RBFOX1: variants seen among roughly 807,000 people sequenced by gnomAD.
RBFOX1 encodes the protein RNA binding fox-1 homolog 1, also known as RNA binding protein fox-1 homolog 1.
Under a neutral mutation model 57.7 loss-of-function variants are expected in RBFOX1, and 8 were observed. The observed-to-expected ratio is 0.14, with a 90% CI of 0.08 to 0.25. RBFOX1 has a LOEUF of 0.25. Ranked by LOEUF, RBFOX1 falls within the 10% of genes least tolerant of loss-of-function variation. RBFOX1 has a pLI of 1.00. For missense variants in RBFOX1, 611 were observed against 548.5 expected, an observed-to-expected ratio of 1.11 and a Z score of -1.14; for synonymous variants, 326 against 222.4, an observed-to-expected ratio of 1.47 and a Z score of -4.15.
chr16:6,839,600 C>G (rs1206740478), intron 3 of RBFOX1, among the ~76,000 whole-genome samples: 1 of 152,134 alleles, frequency 6.6e-6, no homozygotes, highest in Non-Finnish European at 1.5e-5. Context: ...TTGAACTTGT[C>G]TTTCGGGGAC....
At chr16:7,359,957 C>G (rs1434943112) in intron 4 of RBFOX1, among the ~76,000 whole-genome samples, 1 of 147,172 alleles carries the variant, frequency 6.8e-6, no homozygotes, top group Non-Finnish European at 1.5e-5. Context: ...GCACTCCAGC[C>G]TGGGTGACAG....
chr16:7,472,881 T>A (rs2061823933), intron 4 of RBFOX1, among the ~76,000 whole-genome samples: 2 of 152,244 alleles, frequency 1.3e-5, no homozygotes, highest in South Asian at 4.1e-4. Flanking sequence ...CTCTTATGTA[T>A]GTATTGCTTT....
chr16:6,612,310 G>C (rs983726529), intron 2 of RBFOX1, among the ~76,000 whole-genome samples: 4 of 152,070 alleles, frequency 2.6e-5, no homozygotes, highest in Middle Eastern at 3.4e-3. Context: ...ACCAACTTTG[G>C]GATGATATTA....
intron 3 of RBFOX1, among the ~76,000 whole-genome samples, chr16:6,740,291 C>G (rs931648164): frequency 6.6e-6 from 1 of 152,068 alleles, no homozygotes; most frequent in African/African-American, 2.4e-5. Context: ...TGCAAAAAAC[C>G]TACATCTAAT....
Position 7,394,709 on chromosome 16 carries a change from C to G in RBFOX1, c.28-123438C>G, listed in dbSNP as rs150420816. Among the ~76,000 whole-genome samples the G allele has an allele frequency of 2.0e-3, 301 of 152,246 alleles. 2 individuals carry two copies. The highest frequency in any genetic ancestry group is 7.1e-3 in the African/African-American group (293 of 41,544). On this transcript the variant is annotated intron_variant, in intron 4 of 15. Transcript: ENST00000550418. ...GACCACGCCAGGGTTTCATGTGCCC[C>G]GGTTGAGGCATGAATAACAGCAGTT...
chr16:7,231,955 G>T (rs1388139570), intron 4 of RBFOX1, among the ~76,000 whole-genome samples: 1 of 152,156 alleles, frequency 6.6e-6, no homozygotes, highest in Non-Finnish European at 1.5e-5. Flanking sequence ...GGAATGGAAT[G>T]ATGACGTATT....
At chr16:7,252,310 T>C (rs879881240) in intron 4 of RBFOX1, among the ~76,000 whole-genome samples, 1 of 152,220 alleles carries the variant, frequency 6.6e-6, no homozygotes, top group Non-Finnish European at 1.5e-5. Context: ...AGTGGAAATA[T>C]AACTTATAAG....
At chr16:5,553,652 C>T (rs57670311) in intron 2 of RBFOX1, among the ~76,000 whole-genome samples, 5,354 of 134,930 alleles carry the variant, frequency 0.04, 315 homozygotes, top group African/African-American at 0.14. Context: ...TAAGCTAAAA[C>T]CATCAGATAG....
At chr16:7,478,620 T>C (rs1278505154) in intron 4 of RBFOX1, among the ~76,000 whole-genome samples, 1 of 152,168 alleles carries the variant, frequency 6.6e-6, no homozygotes, top group Non-Finnish European at 1.5e-5. Flanking sequence ...TGGTCACCAT[T>C]ATAAATGATT....
chr16:6,018,128 AC>A (rs1441085186), upstream of RBFOX1, among the ~76,000 whole-genome samples: 1 of 150,872 alleles, frequency 6.6e-6, no homozygotes, highest in African/African-American at 2.4e-5. Context: ...GTACAACAAA[AC>A]CCCCTGGAAT....
intron 3 of RBFOX1, among the ~76,000 whole-genome samples, chr16:6,742,803 G>T (rs996865682): frequency 6.6e-6 from 1 of 152,068 alleles, no homozygotes; most frequent in Non-Finnish European, 1.5e-5. Flanking sequence ...TAAAGATTTG[G>T]ACATAGTTGC....
intron 4 of RBFOX1, among the ~76,000 whole-genome samples, chr16:7,409,629 C>T (rs959667036): frequency 2.6e-5 from 4 of 152,202 alleles, no homozygotes; most frequent in Non-Finnish European, 5.9e-5. Flanking sequence ...TAATAAGGAG[C>T]CACATACCAT....
chr16:7,634,093 A>G (rs1490912334), intron 11 of RBFOX1, among the ~76,000 whole-genome samples: 1 of 152,132 alleles, frequency 6.6e-6, no homozygotes, highest in Non-Finnish European at 1.5e-5. Flanking sequence ...CACATATTTT[A>G]TCTTTGCTCT....
intron 2 of RBFOX1, among the ~76,000 whole-genome samples, chr16:6,602,729 AT>A (rs1047101269): frequency 6.6e-6 from 1 of 151,574 alleles, no homozygotes; most frequent in African/African-American, 2.4e-5. Context: ...TGGAAGTGCA[AT>A]TTTTTTTCCA....
At chr16:5,603,073 C>T (rs1396588172), downstream of RBFOX1, among the ~76,000 whole-genome samples, 3 of 152,174 alleles carry the variant, frequency 2.0e-5, no homozygotes, top group Non-Finnish European at 4.4e-5. Flanking sequence ...GGCATCTCAC[C>T]GCCCTTCCTA....
chr16:7,453,484 AG>A (rs1226509888), intron 4 of RBFOX1, among the ~76,000 whole-genome samples: 1 of 152,154 alleles, frequency 6.6e-6, no homozygotes, highest in African/African-American at 2.4e-5. Context: ...AAAGGTTTTA[AG>A]CATTGTAGCC....
At chr16:7,490,109 C>T (rs1182744909) in intron 4 of RBFOX1, among the ~76,000 whole-genome samples, 1 of 152,110 alleles carries the variant, frequency 6.6e-6, no homozygotes, top group Non-Finnish European at 1.5e-5. Context: ...TGCCATGTGG[C>T]TTCTGAATGG....
rs141048581 is a variant in RBFOX1, at chr16:6,488,082, A to C, written c.-63-166521A>C. On this transcript the variant is annotated intron_variant, in intron 2 of 15. Transcript: ENST00000550418. ...CCAATACAGAAAGCAACAACCAAAC[A>C]AATCAAGGTGCACTATTTGCCCAAT... 2.7e-3 allele frequency among the ~76,000 whole-genome samples: 416 copies of C among 152,252 alleles called. 3 individuals carry two copies. The highest frequency in any genetic ancestry group is 0.025 in the East Asian group (130 of 5,180).
rs59934126 is a variant in RBFOX1, at chr16:7,394,235, CAAAAAAAAAAAAAAA to C, written c.28-123897_28-123883del. ...TGGGCAACAGAGCAAGACTCCGCAT[CAAAAAAAAAAAAAAA>C]AAAAAAAAAAAAAAGAGAGAAAGAA... On this transcript the variant is annotated intron_variant, in intron 4 of 15. Coordinates refer to ENST00000550418, the MANE Select transcript of RBFOX1 (RefSeq NM_018723.4). 3.6e-4 allele frequency among the ~76,000 whole-genome samples: 20 copies of C among 55,040 alleles called. 1 individual carries two copies. The highest frequency in any genetic ancestry group is 2.4e-3 in the East Asian group (4 of 1,682). The allele number at this position is 55,040 out of a possible 152,430, so 36.1% of individuals were successfully genotyped here.
Sources: gnomAD v4.1 joint callset for allele counts (sites outside exome capture counted in the v4.1 genomes callset) on GRCh38, gnomAD v4.1.1 for gene constraint, MANE v1.5 for transcripts, NCBI Gene and HGNC (gene_info 2026-07-23, HGNC 2026-07-21) for gene names.